SCYL2: variants seen among roughly 807,000 people sequenced by gnomAD.
SCYL2 encodes the protein SCY1 like pseudokinase 2, also known as SCY1-like protein 2.
SCYL2 carries 36 observed loss-of-function variants against 100.4 expected under a neutral mutation model. That is an observed-to-expected ratio of 0.36 (90% CI 0.27 to 0.47). The LOEUF (loss-of-function observed/expected upper bound fraction) is 0.47. Among genes scored for constraint, SCYL2 ranks in the 20% least tolerant of loss-of-function variants. The pLI, the probability that SCYL2 is intolerant of heterozygous loss-of-function variation, is 1.00. For synonymous variants in SCYL2, 330 were observed against 359.2 expected, an observed-to-expected ratio of 0.92 and a Z score of 0.92; for missense variants, 902 against 1,083.9, an observed-to-expected ratio of 0.83 and a Z score of 2.36.
At chr12:100,291,264 T>TAAC (rs1261634116) in intron 2 of SCYL2, among the ~76,000 whole-genome samples, 1 of 152,186 alleles carries the variant, frequency 6.6e-6, no homozygotes, top group Non-Finnish European at 1.5e-5. Context: ...AATATGTACC[T>TAAC]GTGATAGCAG....
chr12:100,290,753 G>A (rs1038788430), intron 2 of SCYL2, among the ~76,000 whole-genome samples: 1 of 152,084 alleles, frequency 6.6e-6, no homozygotes, highest in African/African-American at 2.4e-5. Flanking sequence ...TTTATTTTGC[G>A]TTATTACCAA....
intron 14 of SCYL2, among the ~76,000 whole-genome samples, chr12:100,335,019 G>C (rs770660725): frequency 6.6e-6 from 1 of 151,976 alleles, no homozygotes; most frequent in Non-Finnish European, 1.5e-5. Flanking sequence ...TATAGAAATA[G>C]GTGAAATAGC....
At chr12:100,295,263 A>T (rs1229461366) in intron 3 of SCYL2, among the ~76,000 whole-genome samples, 1 of 127,658 alleles carries the variant, frequency 7.8e-6, no homozygotes, top group East Asian at 2.6e-4. Flanking sequence ...ATGGGCGGCC[A>T]GGCAGAGACG....
At chr12:100,336,871 C>G (rs1952284272) in intron 16 of SCYL2, among the ~76,000 whole-genome samples, 1 of 152,046 alleles carries the variant, frequency 6.6e-6, no homozygotes, top group Non-Finnish European at 1.5e-5. Context: ...ATGTGTAAAG[C>G]TAAGGGACTA....
At chr12:100,299,906 T>C (rs1470086714) in intron 4 of SCYL2, among the ~76,000 whole-genome samples, 1 of 152,234 alleles carries the variant, frequency 6.6e-6, no homozygotes, top group African/African-American at 2.4e-5. Context: ...TCAAATAGTA[T>C]GTGTATGATT....
chr12:100,338,606 G>A lies in SCYL2; in HGVS notation c.2224G>A (p.Ala742Thr). The change falls in exon 18 of 18, where the codon GCT (alanine) becomes ACT (threonine). Residue 742 changes from alanine to threonine, a missense_variant. Coordinates refer to ENST00000360820, the MANE Select transcript of SCYL2 (RefSeq NM_017988.6). ...SLSVSTPKSS[A>T]SSTFTSVPSM... ...TTCTGTTAGTACCCCTAAATCTTCTGCTTCAAGTACTTTCACTTCTGTTCC... is the reference window on the plus strand; with the variant it reads ...TTCTGTTAGTACCCCTAAATCTTCTACTTCAAGTACTTTCACTTCTGTTCC... The A allele has an allele frequency of 6.8e-6, 11 of 1,613,814 alleles. No homozygotes were observed. The highest frequency in any genetic ancestry group is 9.3e-6 in the Non-Finnish European group (11 of 1,179,814).
chr12:100,335,351 C>A (rs1365081539), intron 14 of SCYL2, among the ~76,000 whole-genome samples: 1 of 151,984 alleles, frequency 6.6e-6, no homozygotes, highest in African/African-American at 2.4e-5. Flanking sequence ...ATGTTAAGCT[C>A]TTTGACAAGA....
intron 2 of SCYL2, among the ~76,000 whole-genome samples, chr12:100,285,726 T>C (rs754884468): frequency 3.9e-5 from 6 of 152,228 alleles, no homozygotes; most frequent in Middle Eastern, 3.2e-3. Flanking sequence ...GCTTTCTAAC[T>C]GACTTAGTCT....
At chr12:100,315,809 G>A in intron 9 of SCYL2, 75 bp downstream of exon 9, 2 of 1,257,264 alleles carry the variant, frequency 1.6e-6, no homozygotes, top group South Asian at 1.9e-5. Flanking sequence ...CAAAAGGAAT[G>A]AATATATGAC....
At chr12:100,328,258 A>G (rs1425963794) in intron 12 of SCYL2, among the ~76,000 whole-genome samples, 1 of 150,976 alleles carries the variant, frequency 6.6e-6, no homozygotes, top group Non-Finnish European at 1.5e-5. Flanking sequence ...AGCATGAGCA[A>G]CAGGGCAAGA....
intron 3 of SCYL2, 40 bp downstream of exon 3, chr12:100,291,700 C>G: frequency 6.6e-7 from 1 of 1,505,594 alleles, no homozygotes. Context: ...ACTTCCTGAA[C>G]AAATAGTTAA....
At chr12:100,269,219 T>C (rs535103319) in intron 1 of SCYL2, among the ~76,000 whole-genome samples, 1 of 152,278 alleles carries the variant, frequency 6.6e-6, no homozygotes, top group African/African-American at 2.4e-5. Flanking sequence ...TCCACTGTGC[T>C]TTCTGACATT....
At chr12:100,278,340 C>T (rs539492614) in intron 1 of SCYL2, among the ~76,000 whole-genome samples, 55 of 152,226 alleles carry the variant, frequency 3.6e-4, no homozygotes, top group Admixed American at 5.2e-4. Context: ...GATGAGACTA[C>T]AGTCAGATGA....
At chr12:100,329,398 G>A in intron 13 of SCYL2, 79 bp downstream of exon 13, 1 of 662,394 alleles carries the variant, frequency 1.5e-6, no homozygotes, top group African/African-American at 1.8e-5. Flanking sequence ...ATATTACAAA[G>A]ATTGGTTAAA....
At position 100,338,624 on chromosome 12, in the gene SCYL2, T is replaced by G; in HGVS notation, c.2242T>G (p.Ser748Ala). Residue 748 changes from serine to alanine, a missense_variant, in exon 18 of 18, where the codon TCT becomes GCT. By Grantham distance (99) the Ser-to-Ala change is moderately conservative. Transcript: ENST00000360820. Reference sequence around the variant, plus strand: ...ATCTTCTGCTTCAAGTACTTTCACTTCTGTTCCTTCCATGGGCATTGGTAT... The same window carrying G: ...ATCTTCTGCTTCAAGTACTTTCACTGCTGTTCCTTCCATGGGCATTGGTAT... The part of the protein sequence containing the change: ...PKSSASSTFT[S>A]VPSMGIGMMF... 1 of 1,614,066 alleles carries G rather than the reference T, an allele frequency of 6.2e-7. No individual in the cohort carries two copies. Among genetic ancestry groups the G allele is most frequent in the Non-Finnish European group, 8.5e-7 (1 of 1,179,956 alleles).
intron 1 of SCYL2, among the ~76,000 whole-genome samples, chr12:100,268,886 C>A (rs1244034630): frequency 6.6e-6 from 1 of 152,162 alleles, no homozygotes; most frequent in Non-Finnish European, 1.5e-5. Context: ...CATACTCAGC[C>A]TCTCATGAAG....
At chr12:100,311,854 A>G (rs2096342584) in intron 5 of SCYL2, among the ~76,000 whole-genome samples, 1 of 152,176 alleles carries the variant, frequency 6.6e-6, no homozygotes, top group African/African-American at 2.4e-5. Context: ...CCTTGGTGAT[A>G]TGGCACCTTA....
chr12:100,302,484 G>A (rs1249967577), intron 4 of SCYL2, among the ~76,000 whole-genome samples: 2 of 152,194 alleles, frequency 1.3e-5, no homozygotes, highest in Admixed American at 6.5e-5. Flanking sequence ...TTGCTTGTCT[G>A]TGTAGGATTT....
intron 1 of SCYL2, among the ~76,000 whole-genome samples, chr12:100,269,587 A>G (rs189248244): frequency 5.9e-5 from 9 of 152,242 alleles, no homozygotes; most frequent in Middle Eastern, 3.4e-3. Flanking sequence ...ATCACTGTTA[A>G]TCCTTATAAC....
Sources: gnomAD v4.1 joint callset for allele counts (sites outside exome capture counted in the v4.1 genomes callset) on GRCh38, gnomAD v4.1.1 for gene constraint, MANE v1.5 for transcripts, NCBI Gene and HGNC (gene_info 2026-07-23, HGNC 2026-07-21) for gene names.